Variants in NCKAP1 observed in about 807,000 individuals in gnomAD.
NCKAP1 encodes nck-associated protein 1.
A neutral mutation model predicts 151.2 loss-of-function variants in NCKAP1; 21 were observed. That is an observed-to-expected ratio of 0.14 (90% CI 0.10 to 0.20). The LOEUF is 0.20. Ranked by LOEUF, NCKAP1 falls within the 10% of genes least tolerant of loss-of-function variation. The probability of loss-of-function intolerance (pLI) is 1.00; values close to 1 mark genes in which losing one functional copy is unlikely to be tolerated. For synonymous variants in NCKAP1, 484 were observed against 451.8 expected (o/e 1.07, Z -0.90); for missense variants, 933 against 1,352.1 (o/e 0.69, Z 4.86).
chr2:182,974,892 T>C (rs2105846597), intron 15 of NCKAP1, among the ~76,000 whole-genome samples: 1 of 152,262 alleles, frequency 6.6e-6, no homozygotes, highest in East Asian at 1.9e-4. Context: ...AATCTACACA[T>C]AGGAATAATC....
chr2:182,989,274 C>G (rs777922480), intron 8 of NCKAP1, 88 bp from the exon 9 acceptor site: 1 of 1,009,516 alleles, frequency 9.9e-7, no homozygotes, highest in Admixed American at 2.8e-5. Flanking sequence ...AATACAGAAA[C>G]GTAACCACGA....
intron 2 of NCKAP1, among the ~76,000 whole-genome samples, chr2:183,010,339 T>C (rs1316426919): frequency 5.9e-5 from 9 of 152,182 alleles, no homozygotes; most frequent in African/African-American, 1.9e-4. Flanking sequence ...AAGCCTGAGA[T>C]ATCGTATCAC....
intron 1 of NCKAP1, among the ~76,000 whole-genome samples, chr2:183,028,988 G>C (rs1351982435): frequency 1.3e-5 from 2 of 151,700 alleles, no homozygotes; most frequent in Non-Finnish European, 2.9e-5. Flanking sequence ...GTATGGTCTG[G>C]CGCCTGTAAT....
chr2:182,981,416 T>G, intron 12 of NCKAP1, 40 bp from the exon 13 acceptor site: 1 of 1,437,938 alleles, frequency 7.0e-7, no homozygotes, highest in Non-Finnish European at 9.7e-7. Context: ...AATAATAAAT[T>G]CATCATTATT....
At chr2:182,928,937 C>A in intron 27 of NCKAP1, 38 bp from the exon 28 acceptor site, 3 of 1,320,136 alleles carry the variant, frequency 2.3e-6, no homozygotes, top group Non-Finnish European at 2.2e-6. Flanking sequence ...CAAGGTATTT[C>A]TTCAAGATTA....
chr2:183,000,183 G>C (rs1337461375), intron 6 of NCKAP1, among the ~76,000 whole-genome samples: 1 of 152,066 alleles, frequency 6.6e-6, no homozygotes, highest in Non-Finnish European at 1.5e-5. Context: ...ATAAAAAATA[G>C]TGTTTTATCA....
intron 16 of NCKAP1, among the ~76,000 whole-genome samples, chr2:182,965,309 ACG>A (rs1442593394): frequency 6.6e-6 from 1 of 150,756 alleles, no homozygotes; most frequent in Admixed American, 6.6e-5. Context: ...AAATAATCAC[ACG>A]CCATCAATTT....
chr2:183,032,649 G>A (rs1056607792), intron 1 of NCKAP1, among the ~76,000 whole-genome samples: 1 of 152,154 alleles, frequency 6.6e-6, no homozygotes, highest in African/African-American at 2.4e-5. Flanking sequence ...TCAGTGTTAT[G>A]TGAAATATCA....
chr2:182,970,832 T>G (rs931507782), intron 15 of NCKAP1, among the ~76,000 whole-genome samples: 2 of 145,210 alleles, frequency 1.4e-5, no homozygotes, highest in Admixed American at 1.4e-4. Flanking sequence ...ATTGTCCTTA[T>G]CTGAAGAAAA....
intron 2 of NCKAP1, among the ~76,000 whole-genome samples, chr2:183,004,413 T>C (rs939643896): frequency 9.3e-5 from 14 of 150,054 alleles, no homozygotes; most frequent in Non-Finnish European, 1.6e-4. Flanking sequence ...AGTCAGAAAA[T>C]TTACAGCAGT....
chr2:182,986,064 T>C (rs1698050297), intron 10 of NCKAP1, 107 bp downstream of exon 10: 1 of 998,878 alleles, frequency 1.0e-6, no homozygotes, highest in Admixed American at 2.4e-5. Context: ...GTCCCCCTCT[T>C]CTACTACCAT....
At chr2:183,002,925 C>G in intron 4 of NCKAP1, 49 bp downstream of exon 4, 1 of 1,418,862 alleles carries the variant, frequency 7.0e-7, no homozygotes, top group South Asian at 1.2e-5. Flanking sequence ...GTCCCCTGAG[C>G]TCTTCTGGAA....
At position 182,928,137 on chromosome 2, in the gene NCKAP1, G is replaced by A. The variant is rs936227706; in HGVS notation, c.3160C>T (p.Arg1054Cys). The A allele has an allele frequency of 1.9e-6, 3 of 1,607,522 alleles. No individual in the cohort carries two copies. Among genetic ancestry groups the A allele is most frequent in the Non-Finnish European group, 2.6e-6 (3 of 1,175,376 alleles). The change falls in exon 29 of 31, where the codon CGT becomes TGT. Residue 1054 changes from arginine to cysteine, a missense_variant. Physicochemically the swap from Arg to Cys is radical, Grantham distance 180. Coordinates refer to ENST00000361354, the MANE Select transcript of NCKAP1 (RefSeq NM_013436.5). ...FTIHKGSIED[R>C]LKEFLALASS... ...CATACCGCCAGAAATTCTTTAAGAC[G>A]GTCTTCAATGCTTCCTTTGTGAATT...
chr2:182,942,264 T>C (rs1697011692), intron 23 of NCKAP1, 101 bp from the exon 24 acceptor site: 3 of 828,500 alleles, frequency 3.6e-6, no homozygotes, highest in Admixed American at 2.4e-5. Flanking sequence ...GGAAACACAA[T>C]TCATGAAATC....
rs529362747 is a variant in NCKAP1, at chr2:182,922,037, C to T, written c.*3665G>A. ...TTTTGTCTATTTGAAAATTCAGGCT[C>T]AGGCCTTCAAATGAAATGATGGTTC... is the stretch of plus-strand genomic sequence containing the variant. On this transcript the variant is annotated 3_prime_UTR_variant, in exon 31 of 31. Transcript: ENST00000361354. The T allele has an allele frequency of 7.7e-4, 118 of 152,264 alleles. No homozygotes were observed. Among genetic ancestry groups the T allele is most frequent in the African/African-American group, 2.6e-3 (106 of 41,554 alleles). The allele number at this position is 152,264 out of a possible 1,614,324, so 9.4% of individuals were successfully genotyped here.
At chr2:182,996,678 G>T (rs932126656) in intron 6 of NCKAP1, among the ~76,000 whole-genome samples, 2 of 152,100 alleles carry the variant, frequency 1.3e-5, no homozygotes, top group African/African-American at 4.8e-5. Context: ...GGATGGTCTC[G>T]ATCTCCTGAC....
At chr2:182,998,698 C>A (rs1698319315) in intron 6 of NCKAP1, among the ~76,000 whole-genome samples, 1 of 151,780 alleles carries the variant, frequency 6.6e-6, no homozygotes, top group Admixed American at 6.6e-5. Flanking sequence ...GGCGTGGTGA[C>A]AGGCACCTGT....
intron 27 of NCKAP1, among the ~76,000 whole-genome samples, chr2:182,929,725 AC>A (rs766050847): frequency 3.3e-5 from 5 of 151,588 alleles, no homozygotes; most frequent in Non-Finnish European, 5.9e-5. Flanking sequence ...AATGTAACAT[AC>A]TGTATGAATG....
intron 2 of NCKAP1, among the ~76,000 whole-genome samples, chr2:183,021,359 G>A (rs748925717): frequency 2.0e-5 from 3 of 152,148 alleles, no homozygotes; most frequent in Non-Finnish European, 2.9e-5. Flanking sequence ...CAGCACTTTG[G>A]GAGGTCAAAG....
Sources: allele counts gnomAD v4.1 joint callset (sites outside exome capture counted in the v4.1 genomes callset), GRCh38; gene constraint gnomAD v4.1.1; transcripts MANE v1.5; gene names NCBI Gene and HGNC (gene_info 2026-07-23, HGNC 2026-07-21).